NARS2: variants seen among roughly 807,000 people sequenced by gnomAD.
The protein encoded by NARS2 is asparaginyl-tRNA synthetase 2, mitochondrial.
NARS2 carries 60 observed loss-of-function variants against 62.9 expected under a neutral mutation model. That is an observed-to-expected ratio of 0.95 (90% CI 0.77 to 1.18). The LOEUF (loss-of-function observed/expected upper bound fraction) is 1.18. NARS2 is among the 50% of genes most tolerant of loss of function. The pLI is 0.00. For missense variants in NARS2, 619 were observed against 576.4 expected, an observed-to-expected ratio of 1.07 and a Z score of -0.76; for synonymous variants, 196 against 200.0, an observed-to-expected ratio of 0.98 and a Z score of 0.17.
chr11:78,513,271 T>C (rs1461917556), intron 6 of NARS2, among the ~76,000 whole-genome samples: 1 of 151,936 alleles, frequency 6.6e-6, no homozygotes, highest in Non-Finnish European at 1.5e-5. Flanking sequence ...AATGTACAAT[T>C]AAGTTATTGA....
chr11:78,478,572 TA>T lies in NARS2; in HGVS notation c.921+12del. On this transcript the variant is annotated intron_variant, in intron 8 of 13. Coordinates refer to ENST00000281038, the MANE Select transcript of NARS2 (RefSeq NM_024678.6). Reference sequence around the variant, plus strand: ...CAGTAGATGTATTGGGCTTTATCCATAAAACTAATTACCTTTTGGCCAGGTG... The same window carrying T: ...CAGTAGATGTATTGGGCTTTATCCATAAACTAATTACCTTTTGGCCAGGTG... The T allele has an allele frequency of 6.4e-7, 1 of 1,561,924 alleles. No homozygotes were observed.
intron 5 of NARS2, among the ~76,000 whole-genome samples, chr11:78,537,373 G>A (rs1054297909): frequency 2.6e-5 from 4 of 152,188 alleles, no homozygotes; most frequent in Non-Finnish European, 5.9e-5. Context: ...AGCTGAAGAG[G>A]TGGCTTGTAT....
chr11:78,542,854 G>A (rs747923002), intron 5 of NARS2, among the ~76,000 whole-genome samples: 4 of 152,198 alleles, frequency 2.6e-5, no homozygotes, highest in South Asian at 2.1e-4. Context: ...AGCCATGATC[G>A]CTGGCTCATC....
chr11:78,461,455 G>A (rs1858391158), intron 11 of NARS2, among the ~76,000 whole-genome samples: 1 of 151,690 alleles, frequency 6.6e-6, no homozygotes, highest in African/African-American at 2.4e-5. Context: ...GCACTGACCG[G>A]CCAAGTAAAA....
At chr11:78,536,377 A>G (rs759241813) in intron 5 of NARS2, among the ~76,000 whole-genome samples, 9 of 152,240 alleles carry the variant, frequency 5.9e-5, no homozygotes, top group Non-Finnish European at 8.8e-5. Context: ...CATTGCCATC[A>G]TAGGAGATGA....
At chr11:78,462,563 A>G (rs979739778) in intron 11 of NARS2, among the ~76,000 whole-genome samples, 2 of 152,212 alleles carry the variant, frequency 1.3e-5, no homozygotes, top group South Asian at 2.1e-4. Context: ...AAAAATACAT[A>G]TATTTTAAAA....
chr11:78,559,650 T>C (rs1856489363), intron 4 of NARS2, 31 bp from the exon 5 acceptor site: 6 of 1,446,890 alleles, frequency 4.1e-6, no homozygotes, highest in Non-Finnish European at 5.8e-6. Flanking sequence ...TTTCAGGATA[T>C]TTGCACATTC....
chr11:78,493,070 A>G lies in NARS2; in HGVS notation c.815T>C (p.Leu272Pro). The change falls in exon 7 of 14, where the codon CTT (leucine) becomes CCT (proline). Residue 272 changes from leucine (L) to proline (P), a missense_variant. Physicochemically the swap from Leu to Pro is moderately conservative, Grantham distance 98 (BLOSUM62 -3). Coordinates refer to ENST00000281038, the MANE Select transcript of NARS2 (RefSeq NM_024678.6). ...TAAAACTTGTGTACCTACCTGCATA[A>G]GATCTTGAAGGCTGTCAACAAAAGA... ...EISFVDSLQDLMQVIEELFKA... is the reference protein window; with the variant it reads ...EISFVDSLQDPMQVIEELFKA... The G allele has an allele frequency of 6.2e-7, 1 of 1,610,666 alleles. No individual in the cohort carries two copies.
intron 5 of NARS2, among the ~76,000 whole-genome samples, chr11:78,529,450 T>C (rs150815656): frequency 7.2e-5 from 11 of 152,274 alleles, no homozygotes; most frequent in Non-Finnish European, 1.0e-4. Context: ...TCACCATAAC[T>C]AGGTAGCAGG....
At chr11:78,514,886 T>C (rs1289997129) in intron 6 of NARS2, among the ~76,000 whole-genome samples, 1 of 152,168 alleles carries the variant, frequency 6.6e-6, no homozygotes, top group African/African-American at 2.4e-5. Flanking sequence ...ATTAATACCA[T>C]TCAAGCTAGT....
At chr11:78,450,515 G>C (rs566181248) in intron 11 of NARS2, among the ~76,000 whole-genome samples, 3 of 152,242 alleles carry the variant, frequency 2.0e-5, no homozygotes, top group South Asian at 4.1e-4. Context: ...CTTGACAAGA[G>C]TGCAAAGTTG....
At chr11:78,437,981 A>AG (rs1289909291) in intron 13 of NARS2, among the ~76,000 whole-genome samples, 1 of 144,062 alleles carries the variant, frequency 6.9e-6, no homozygotes, top group Non-Finnish European at 1.5e-5. Context: ...TATCAAAAAA[A>AG]AAAAAAAGAA....
At chr11:78,566,319 T>C (rs78448646) in intron 3 of NARS2, 47 bp from the exon 4 acceptor site, 1 of 1,466,016 alleles carries the variant, frequency 6.8e-7, no homozygotes, top group South Asian at 1.4e-5. Flanking sequence ...AGAGATACTG[T>C]TTAATAAAAT....
At chr11:78,514,128 T>C (rs971403308) in intron 6 of NARS2, among the ~76,000 whole-genome samples, 2 of 152,116 alleles carry the variant, frequency 1.3e-5, no homozygotes, top group Admixed American at 1.3e-4. Flanking sequence ...TCTCAGGTAT[T>C]TCTCTCTTTT....
intron 6 of NARS2, among the ~76,000 whole-genome samples, chr11:78,524,681 T>C (rs1373472625): frequency 6.6e-6 from 1 of 151,966 alleles, no homozygotes; most frequent in African/African-American, 2.4e-5. Context: ...TAGCTTTCTC[T>C]AGTTTAAAAA....
chr11:78,500,019 T>C (rs1019013722), intron 6 of NARS2, among the ~76,000 whole-genome samples: 9 of 152,242 alleles, frequency 5.9e-5, no homozygotes, highest in African/African-American at 1.9e-4. Flanking sequence ...GTAAGTACTT[T>C]ACTTTAGTTA....
chr11:78,527,401 C>A (rs892350117), intron 6 of NARS2, among the ~76,000 whole-genome samples: 1 of 152,186 alleles, frequency 6.6e-6, no homozygotes, highest in Admixed American at 6.5e-5. Flanking sequence ...GCCTTTCCTA[C>A]ATCCAGATCT....
intron 5 of NARS2, among the ~76,000 whole-genome samples, chr11:78,551,864 A>C (rs538136653): frequency 6.6e-6 from 1 of 152,060 alleles, no homozygotes; most frequent in Admixed American, 6.5e-5. Context: ...AAAAAAACAA[A>C]AAACAAACAA....
intron 2 of NARS2, 114 bp downstream of exon 2, chr11:78,571,221 G>T: frequency 1.5e-6 from 1 of 649,398 alleles, no homozygotes; most frequent in Non-Finnish European, 2.8e-6. Flanking sequence ...TATTAAAGCA[G>T]ATCTGTTTCA....
Sources: gnomAD v4.1 joint callset for allele counts (sites outside exome capture counted in the v4.1 genomes callset) on GRCh38, gnomAD v4.1.1 for gene constraint, MANE v1.5 for transcripts, NCBI Gene and HGNC (gene_info 2026-07-23, HGNC 2026-07-21) for gene names.